The following CASP4 variants were observed in gnomAD, a reference collection of about 807,000 sequenced individuals.
The protein encoded by CASP4 is caspase 4, also known as caspase-4.
In CASP4, 29 loss-of-function variants were observed where a neutral mutation model predicts 41.3. The ratio of observed to expected loss-of-function variants is 0.70; its 90% confidence interval spans 0.52 to 0.96. The LOEUF is 0.96. Among genes scored for constraint, CASP4 ranks in the 40% least tolerant of loss-of-function variants. The pLI, the probability that CASP4 is intolerant of heterozygous loss-of-function variation, is 0.00. For synonymous variants in CASP4, 185 were observed against 158.4 expected (o/e 1.17, Z -1.26); for missense variants, 447 against 460.6 (o/e 0.97, Z 0.27).
intron 1 of CASP4, among the ~76,000 whole-genome samples, chr11:104,965,605 G>A (rs1860955830): frequency 6.6e-6 from 1 of 152,170 alleles, no homozygotes; most frequent in Admixed American, 6.5e-5. Flanking sequence ...CCTGGGCATA[G>A]GCCGAACTGA....
chr11:104,964,002 T>C (rs1301884728), intron 1 of CASP4, among the ~76,000 whole-genome samples: 11 of 152,220 alleles, frequency 7.2e-5, no homozygotes. Context: ...TGCTGAATTT[T>C]CTGTCTGTCT....
intron 1 of CASP4, among the ~76,000 whole-genome samples, chr11:104,967,502 G>A (rs963888782): frequency 1.2e-4 from 18 of 152,274 alleles, no homozygotes; most frequent in African/African-American, 4.3e-4. Context: ...AAAGGCAATA[G>A]GGAGCCACTG....
chr11:104,945,813 TTC>T (rs1309551555), intron 7 of CASP4, among the ~76,000 whole-genome samples: 1 of 152,078 alleles, frequency 6.6e-6, no homozygotes, highest in Non-Finnish European at 1.5e-5. Flanking sequence ...TTCCTCCTCC[TTC>T]TCCTCCTCCT....
intron 8 of CASP4, chr11:104,943,574 C>T (rs543889): frequency 0.93 from 141,848 of 152,462 alleles, 66,876 homozygotes; most frequent in East Asian, 1. Flanking sequence ...TTTTGCTCTC[C>T]GGCCTGTGAT....
At chr11:104,958,636 GA>G (rs924705096) in intron 1 of CASP4, among the ~76,000 whole-genome samples, 8 of 151,918 alleles carry the variant, frequency 5.3e-5, no homozygotes, top group Non-Finnish European at 5.9e-5. Context: ...AGAGGATGTA[GA>G]AAAAAAGAAA....
At chr11:104,950,469 A>G (rs1352270648) in intron 4 of CASP4, among the ~76,000 whole-genome samples, 5 of 151,840 alleles carry the variant, frequency 3.3e-5, no homozygotes, top group Non-Finnish European at 7.4e-5. Flanking sequence ...TTTTTCTTAC[A>G]ATTTCACTGT....
rs901639841 is a variant in CASP4, at chr11:104,951,557, A to T, written c.372+339T>A. On this transcript the variant is annotated intron_variant, in intron 3 of 8. Transcript: ENST00000444739. ...CTTCATGTCTAGACTTTTCAAGTAG[A>T]GTGCAACCAATTACAAGTCAGCTAT... 7 of 336,042 alleles carry T rather than the reference A, an allele frequency of 2.1e-5. No individual in the cohort carries two copies. The Admixed American group carries it at 3.0e-4, about 14-fold the overall frequency. The allele number at this position is 336,042 out of a possible 1,614,324, so 20.8% of individuals were successfully genotyped here. A position where few individuals can be genotyped will look rare whatever the true frequency, so the allele number is the denominator to read the frequency against.
intron 1 of CASP4, among the ~76,000 whole-genome samples, chr11:104,959,528 A>G (rs2134652905): frequency 6.6e-6 from 1 of 152,352 alleles, no homozygotes; most frequent in South Asian, 2.1e-4. Context: ...TGCTTAAAAG[A>G]ATAAATAAAT....
chr11:104,963,666 A>C (rs1475653711), intron 1 of CASP4, among the ~76,000 whole-genome samples: 1 of 152,194 alleles, frequency 6.6e-6, no homozygotes, highest in Non-Finnish European at 1.5e-5. Context: ...AAGATACGGA[A>C]ACATCCCCAT....
At position 104,954,762 on chromosome 11, in the gene CASP4, A is replaced by G; in HGVS notation, c.247T>C (p.Ser83Pro). Residue 83 changes from serine to proline, a missense_variant, in exon 2 of 9, where the codon TCC becomes CCC. Coordinates refer to ENST00000444739, the MANE Select transcript of CASP4 (RefSeq NM_001225.4). The part of the protein sequence containing the change: ...LQTFFNIDQI[S>P]PNKKAHPNME... ...CCAGTCTTACCTTTTTTATTGGGGGATATTTGGTCTATGTTAAAAAAGGTT... is the reference window on the plus strand; with the variant it reads ...CCAGTCTTACCTTTTTTATTGGGGGGTATTTGGTCTATGTTAAAAAAGGTT... The G allele has an allele frequency of 6.2e-7, 1 of 1,611,642 alleles. No homozygotes were observed. The highest frequency in any genetic ancestry group is 1.1e-5 in the South Asian group (1 of 90,546).
At position 104,947,081 on chromosome 11, in the gene CASP4, A is replaced by G; in HGVS notation, c.1035+2T>C. 1.3e-6 allele frequency: 2 copies of G among 1,571,598 alleles called. No individual in the cohort carries two copies. The highest frequency in any genetic ancestry group is 1.8e-6 in the Non-Finnish European group (2 of 1,142,132). On this transcript the variant is annotated splice_donor_variant, in intron 7 of 8. Coordinates refer to ENST00000444739, the MANE Select transcript of CASP4 (RefSeq NM_001225.4). LOFTEE classifies it high-confidence loss of function. ...ATGAGTAACTAGAAAAGAGACACTT[A>G]CCTTCCGAAATACTTCCTCTAGGTG...
chr11:104,953,092 G>A (rs1860654309), intron 2 of CASP4, among the ~76,000 whole-genome samples: 2 of 152,122 alleles, frequency 1.3e-5, no homozygotes, highest in South Asian at 4.1e-4. Flanking sequence ...TTAGAAATTA[G>A]ATAGAATTTC....
chr11:104,947,899 G>A (rs911168829), intron 6 of CASP4: 1 of 152,192 alleles, frequency 6.6e-6, no homozygotes, highest in Non-Finnish European at 1.5e-5. Flanking sequence ...GGCATAGATA[G>A]TGGTGATGAT....
intron 4 of CASP4, 105 bp downstream of exon 4, chr11:104,950,820 A>ACACACACACACACC: frequency 3.0e-6 from 3 of 1,004,990 alleles, no homozygotes; most frequent in Non-Finnish European, 4.4e-6. Context: ...ACACACACAC[A>ACACACACACACACC]CACCCAAAGG....
chr11:104,943,501 A>C (rs1860375279), intron 8 of CASP4: 1 of 154,472 alleles, frequency 6.5e-6, no homozygotes, highest in Admixed American at 6.4e-5. Context: ...AAATATCTAT[A>C]GGAGTACAGC....
At chr11:104,954,669 A>G (rs1465123077) in intron 2 of CASP4, 78 bp downstream of exon 2, 2 of 1,298,496 alleles carry the variant, frequency 1.5e-6, no homozygotes, top group Non-Finnish European at 2.2e-6. Flanking sequence ...GGGGAATCAC[A>G]GAAGACACTG....
In CASP4 at chr11:104,952,012, G is replaced by T. The variant is rs755376361; in HGVS notation, c.263-7C>A. ...GCCTCCATATTCGGATGAGCTGCAGGATATTGCAGAACATAAATTGTGATT... is the reference window on the plus strand; with the variant it reads ...GCCTCCATATTCGGATGAGCTGCAGTATATTGCAGAACATAAATTGTGATT... On this transcript the variant is annotated splice_region_variant and splice_polypyrimidine_tract_variant and intron_variant, in intron 2 of 8. Coordinates refer to ENST00000444739, the MANE Select transcript of CASP4 (RefSeq NM_001225.4). 6 of 1,548,098 alleles carry T rather than the reference G, an allele frequency of 3.9e-6. No homozygotes were observed. In the Admixed American group the frequency reaches 6.7e-5, roughly 17 times the overall value.
At position 104,968,423 on chromosome 11, in the gene CASP4, T is replaced by C. The variant is rs56291433; in HGVS notation, c.7+96A>G. Reference sequence around the variant, plus strand: ...AAGAAAAGGAATTCAACATGTGTGCTATCGGCTCACTTCCTTTCTTGTGTT... The same window carrying C: ...AAGAAAAGGAATTCAACATGTGTGCCATCGGCTCACTTCCTTTCTTGTGTT... On this transcript the variant is annotated intron_variant, in intron 1 of 8. Coordinates refer to ENST00000444739, the MANE Select transcript of CASP4 (RefSeq NM_001225.4). 1.5e-3 allele frequency: 1,604 copies of C among 1,086,464 alleles called. 16 individuals carry two copies. The African/African-American group carries it at 0.021, about 14-fold the overall frequency. The allele number at this position is 1,086,464 out of a possible 1,614,324, so 67.3% of individuals were successfully genotyped here. A position where few individuals can be genotyped will look rare whatever the true frequency, so the allele number is the denominator to read the frequency against.
At chr11:104,962,794 C>G (rs192738072) in intron 1 of CASP4, among the ~76,000 whole-genome samples, 2 of 152,318 alleles carry the variant, frequency 1.3e-5, no homozygotes, top group Admixed American at 6.5e-5. Context: ...AATTCAGTAG[C>G]TAAGACTTTG....
Sources: gnomAD v4.1 joint callset for allele counts (sites outside exome capture counted in the v4.1 genomes callset) on GRCh38, gnomAD v4.1.1 for gene constraint, MANE v1.5 for transcripts, NCBI Gene and HGNC (gene_info 2026-07-23, HGNC 2026-07-21) for gene names.